SOX6: variants seen among roughly 807,000 people sequenced by gnomAD.
SOX6 encodes the protein transcription factor SOX-6.
In SOX6, 11 loss-of-function variants were observed where a neutral mutation model predicts 97.8. That is an observed-to-expected ratio of 0.11 (90% CI 0.07 to 0.19). SOX6 has a LOEUF of 0.19. Among genes scored for constraint, SOX6 ranks in the 10% least tolerant of loss-of-function variants. The pLI is 1.00. For synonymous variants in SOX6, 360 were observed against 371.4 expected (o/e 0.97, Z 0.35); for missense variants, 810 against 1,039.5 (o/e 0.78, Z 3.04).
At chr11:16,159,160 T>C (rs1190761009) in intron 6 of SOX6, among the ~76,000 whole-genome samples, 1 of 152,030 alleles carries the variant, frequency 6.6e-6, no homozygotes, top group Non-Finnish European at 1.5e-5. Flanking sequence ...GTTTTTCTGC[T>C]GTTAGCCAAA....
intron 1 of SOX6, among the ~76,000 whole-genome samples, chr11:16,375,413 A>G (rs570737006): frequency 2.0e-5 from 3 of 152,186 alleles, no homozygotes; most frequent in Admixed American, 6.6e-5. Flanking sequence ...ACAAATTAGT[A>G]GCAGAGTTAA....
chr11:16,733,877 A>G (rs901842530), intron 2 of SOX6, among the ~76,000 whole-genome samples: 4 of 151,818 alleles, frequency 2.6e-5, no homozygotes, highest in African/African-American at 9.7e-5. Context: ...ATACAAAAAA[A>G]TTAGCCGGGC....
At chr11:16,080,648 A>C (rs766261659) in intron 9 of SOX6, among the ~76,000 whole-genome samples, 1 of 152,208 alleles carries the variant, frequency 6.6e-6, no homozygotes, top group Non-Finnish European at 1.5e-5. Flanking sequence ...ACTGATGCAA[A>C]GATGAAGAAG....
intron 3 of SOX6, among the ~76,000 whole-genome samples, chr11:16,665,735 A>T (rs1847802355): frequency 1.3e-5 from 2 of 152,252 alleles, no homozygotes; most frequent in Admixed American, 6.5e-5. Context: ...GCCTTGGACA[A>T]GACCCAGGGC....
chr11:16,150,892 TAAATG>T (rs1300747164), intron 6 of SOX6, among the ~76,000 whole-genome samples: 1 of 152,160 alleles, frequency 6.6e-6, no homozygotes, highest in Non-Finnish European at 1.5e-5. Context: ...CAAAAGCCAC[TAAATG>T]AAATTATTCG....
chr11:16,118,235 C>T (rs779130326), intron 6 of SOX6, among the ~76,000 whole-genome samples: 3 of 152,206 alleles, frequency 2.0e-5, no homozygotes, highest in Non-Finnish European at 4.4e-5. Flanking sequence ...GAATAAACTA[C>T]CCCAAAGCAC....
intron 4 of SOX6, among the ~76,000 whole-genome samples, chr11:16,603,398 G>A (rs533580721): frequency 6.6e-6 from 1 of 152,306 alleles, no homozygotes; most frequent in East Asian, 1.9e-4. Flanking sequence ...GAGTAAGATA[G>A]GGAAAGACAG....
At chr11:16,132,444 A>AGAAAGAAAG (rs1554934020) in intron 6 of SOX6, among the ~76,000 whole-genome samples, 5 of 27,236 alleles carry the variant, frequency 1.8e-4, no homozygotes, top group East Asian at 3.0e-3. Flanking sequence ...AAAGAAAGAA[A>AGAAAGAAAG]AAAGAAAGAA....
chr11:16,356,025 T>C (rs1329425143), intron 1 of SOX6, among the ~76,000 whole-genome samples, 69 bp downstream of exon 1: 1 of 152,002 alleles, frequency 6.6e-6, no homozygotes, highest in African/African-American at 2.4e-5. Flanking sequence ...GCTTTGAAGT[T>C]AGAAAAATTA....
intron 4 of SOX6, among the ~76,000 whole-genome samples, chr11:16,534,496 A>C (rs1453828957): frequency 6.6e-6 from 1 of 152,186 alleles, no homozygotes; most frequent in East Asian, 1.9e-4. Context: ...ATGCAGTTTT[A>C]TAGTCTTTGG....
chr11:16,259,379 AT>A (rs1853802279), intron 3 of SOX6, among the ~76,000 whole-genome samples: 1 of 152,048 alleles, frequency 6.6e-6, no homozygotes, highest in South Asian at 2.1e-4. Flanking sequence ...ATATAAACAC[AT>A]TGCAATCCCA....
At chr11:16,653,483 G>A (rs1254259059) in intron 3 of SOX6, among the ~76,000 whole-genome samples, 2 of 152,200 alleles carry the variant, frequency 1.3e-5, no homozygotes, top group Admixed American at 6.5e-5. Context: ...AAACTGGACT[G>A]AGTTGGAGAC....
chr11:16,633,082 G>A (rs1848735444), intron 3 of SOX6, among the ~76,000 whole-genome samples: 2 of 152,294 alleles, frequency 1.3e-5, no homozygotes, highest in South Asian at 4.1e-4. Flanking sequence ...GCTGGGATGG[G>A]TAGGGTCAAG....
intron 4 of SOX6, among the ~76,000 whole-genome samples, chr11:16,536,343 G>A (rs1185557099): frequency 6.6e-6 from 1 of 152,162 alleles, no homozygotes; most frequent in Non-Finnish European, 1.5e-5. Context: ...CTTCCAAGAT[G>A]GCCAAATAGG....
intron 1 of SOX6, among the ~76,000 whole-genome samples, chr11:16,439,523 T>A (rs187315140): frequency 6.6e-6 from 1 of 152,248 alleles, no homozygotes; most frequent in East Asian, 1.9e-4. Context: ...CTTTTGTAAT[T>A]CCTCTAAAGA....
chr11:15,975,586 G>A (rs749992213), intron 15 of SOX6, among the ~76,000 whole-genome samples: 12 of 152,106 alleles, frequency 7.9e-5, no homozygotes, highest in South Asian at 4.1e-4. Context: ...AATTGAGCTC[G>A]TATTATGTGC....
At chr11:15,998,077 C>T (rs930854994) in intron 13 of SOX6, among the ~76,000 whole-genome samples, 8 of 149,508 alleles carry the variant, frequency 5.4e-5, no homozygotes, top group African/African-American at 1.7e-4. Flanking sequence ...AAGACTCCAT[C>T]TCAAAAAAAT....
chr11:16,692,086 T>C (rs1037899900), intron 3 of SOX6, among the ~76,000 whole-genome samples: 2 of 128,166 alleles, frequency 1.6e-5, no homozygotes, highest in Admixed American at 1.6e-4. Context: ...TGTGTGTGTG[T>C]GTGCGCGCGC....
chr11:16,213,759 C>A (rs1852291913), intron 4 of SOX6, among the ~76,000 whole-genome samples: 1 of 152,044 alleles, frequency 6.6e-6, no homozygotes, highest in Non-Finnish European at 1.5e-5. Flanking sequence ...TTTCTTGCAA[C>A]AATATACAAA....
Sources: allele counts gnomAD v4.1 joint callset (sites outside exome capture counted in the v4.1 genomes callset), GRCh38; gene constraint gnomAD v4.1.1; transcripts MANE v1.5; gene names NCBI Gene and HGNC (gene_info 2026-07-23, HGNC 2026-07-21).